The following SAP130 variants were observed in gnomAD, a reference collection of about 807,000 sequenced individuals.
The protein encoded by SAP130 is Sin3A associated protein 130, also known as histone deacetylase complex subunit SAP130.
A neutral mutation model predicts 103.2 loss-of-function variants in SAP130; 16 were observed. The observed-to-expected ratio is 0.16, with a 90% confidence interval of 0.10 to 0.24. The LOEUF is 0.24. SAP130 is among the 10% of genes least tolerant of loss of function. SAP130 has a pLI of 1.00. For missense variants in SAP130, 990 were observed against 1,359.7 expected (o/e 0.73, Z 4.28); for synonymous variants, 477 against 497.0 (o/e 0.96, Z 0.53).
intron 2 of SAP130, among the ~76,000 whole-genome samples, chr2:128,025,153 T>C (rs1004163053): frequency 2.6e-5 from 4 of 152,216 alleles, no homozygotes; most frequent in Admixed American, 2.6e-4. Flanking sequence ...ATTTACTTAA[T>C]ACATAGAGAA....
At chr2:127,976,228 T>G (rs987036066) in intron 15 of SAP130, among the ~76,000 whole-genome samples, 1 of 152,240 alleles carries the variant, frequency 6.6e-6, no homozygotes, top group African/African-American at 2.4e-5. Context: ...CTCTTTCCTC[T>G]GCCTGACACA....
Position 127,989,979 on chromosome 2 carries a change from T to C in SAP130, c.1478-113A>G. ...CTCCACTGTATAAGATCTAAATCCA[T>C]GGTTTGAAAAAAAATAAATAAATAA... On this transcript the variant is annotated intron_variant, in intron 12 of 20. Coordinates refer to ENST00000643581, the MANE Select transcript of SAP130 (RefSeq NM_001330301.2). The surrounding 1 kb of genome is among the most constrained non-coding windows in gnomAD (Gnocchi z 4.6). 1.1e-6 allele frequency: 1 copy of C among 937,832 alleles called. No homozygotes were observed. The allele number at this position is 937,832 out of a possible 1,614,324, so 58.1% of individuals were successfully genotyped here.
intron 17 of SAP130, 50 bp from the exon 18 acceptor site, chr2:127,950,044 C>T: frequency 6.2e-7 from 1 of 1,610,390 alleles, no homozygotes; most frequent in Non-Finnish European, 8.5e-7. Context: ...CAACAATCCT[C>T]AAAGTTCATT....
At chr2:128,014,065 T>G (rs930746220) in intron 5 of SAP130, among the ~76,000 whole-genome samples, 1 of 152,220 alleles carries the variant, frequency 6.6e-6, no homozygotes, top group Non-Finnish European at 1.5e-5. Flanking sequence ...ATGTTGAGAT[T>G]ATCAAAGCTT....
At chr2:128,009,998 A>C (rs947259908) in intron 7 of SAP130, among the ~76,000 whole-genome samples, 1 of 152,102 alleles carries the variant, frequency 6.6e-6, no homozygotes, top group African/African-American at 2.4e-5. Context: ...TGTCACTCCC[A>C]ATCCCTTTTA....
Position 127,950,319 on chromosome 2 carries a change from C to G in SAP130, c.2512G>C (p.Gly838Arg). Reference sequence around the variant, plus strand: ...CGAGGCTTTTTCCTTGGGGAGGCACCAGGTGGTAGGTCACTTGTAGGCATG... The same window carrying G: ...CGAGGCTTTTTCCTTGGGGAGGCACGAGGTGGTAGGTCACTTGTAGGCATG... ...LSMPTSDLPP[G>R]ASPRKKPRKQ... Residue 838 changes from glycine (G) to arginine (R), a missense_variant, in exon 17 of 21, where the codon GGT becomes CGT. Transcript: ENST00000643581. 6.2e-7 allele frequency: 1 copy of G among 1,614,168 alleles called. No individual in the cohort carries two copies. The highest frequency in any genetic ancestry group is 8.5e-7 in the Non-Finnish European group (1 of 1,180,034).
At chr2:128,027,155 AG>A in intron 1 of SAP130, 1 of 1,334,194 alleles carries the variant, frequency 7.5e-7, no homozygotes, top group South Asian at 2.1e-5. Context: ...GGTGCCGCGG[AG>A]GGCCCATCTC....
chr2:128,004,361 CTTTTTTTTTTTTTT>C (rs71935874), intron 7 of SAP130, among the ~76,000 whole-genome samples: 99 of 76,032 alleles, frequency 1.3e-3, no homozygotes, highest in Non-Finnish European at 2.2e-3. Context: ...GCTTTCTTTC[CTTTTTTTTTTTTTT>C]TTTTTTTTTT....
chr2:127,946,880 T>C (rs1213956896), intron 18 of SAP130, among the ~76,000 whole-genome samples: 1 of 149,366 alleles, frequency 6.7e-6, no homozygotes, highest in Admixed American at 6.8e-5. Context: ...CGAGACTCCG[T>C]CACAAGAAAA....
At chr2:127,983,363 A>C (rs1682097847) in intron 14 of SAP130, among the ~76,000 whole-genome samples, 1 of 152,200 alleles carries the variant, frequency 6.6e-6, no homozygotes, top group Non-Finnish European at 1.5e-5. Context: ...TGGCTATGTG[A>C]AACTACTTTT....
chr2:128,008,642 G>A (rs1684153732), intron 7 of SAP130, among the ~76,000 whole-genome samples: 1 of 149,852 alleles, frequency 6.7e-6, no homozygotes, highest in African/African-American at 2.5e-5. Flanking sequence ...AAGCACTGGG[G>A]TTACGGGCAC....
At chr2:128,017,442 T>C (rs371022496) in intron 3 of SAP130, among the ~76,000 whole-genome samples, 2 of 151,976 alleles carry the variant, frequency 1.3e-5, no homozygotes, top group Admixed American at 6.5e-5. Context: ...ATAAGTTGAA[T>C]AATATCAGTA....
At chr2:127,951,394 T>C (rs1679485201) in intron 16 of SAP130, among the ~76,000 whole-genome samples, 1 of 152,134 alleles carries the variant, frequency 6.6e-6, no homozygotes, top group Non-Finnish European at 1.5e-5. Context: ...TAAACTTTCC[T>C]GTCACCATTA....
chr2:127,954,701 C>T lies in SAP130; in HGVS notation c.2422+285G>A, dbSNP rs569149900. Among the ~76,000 whole-genome samples, 71 of 152,254 alleles carry T rather than the reference C, an allele frequency of 4.7e-4. No individual in the cohort carries two copies. The Middle Eastern group carries it at 0.01, about 22-fold the overall frequency. On this transcript the variant is annotated intron_variant, in intron 16 of 20. Coordinates refer to ENST00000643581, the MANE Select transcript of SAP130 (RefSeq NM_001330301.2). ...ATACTACTTTCTTAATACTACTAGGCATGGAAGGAAACTATGTTGAAGGAT... is the reference window on the plus strand; with the variant it reads ...ATACTACTTTCTTAATACTACTAGGTATGGAAGGAAACTATGTTGAAGGAT...
chr2:128,018,354 G>GC (rs1559104781), intron 2 of SAP130, among the ~76,000 whole-genome samples: 17 of 141,842 alleles, frequency 1.2e-4, no homozygotes, highest in African/African-American at 4.8e-4. Context: ...CAAAAACCAC[G>GC]TTTTTTTGTA....
chr2:128,010,302 G>A lies in SAP130; in HGVS notation c.836C>T (p.Thr279Met), dbSNP rs1029422515. Residue 279 changes from threonine to methionine, a missense_variant, in exon 7 of 21, where the codon ACG becomes ATG. Thr to Met is a moderately conservative substitution (Grantham distance 81). Around this residue, in one of 6 missense-constraint regions of SAP130, gnomAD observed 336 missense variants for 520.1 expected, o/e 0.65. Transcript: ENST00000643581. ...ATRAQSPVIT[T>M]TAAHATDSAL... ...TGAATCAGTAGCATGCGCCGCTGTC[G>A]TAGTGATGACTGGAGACTGAGCTCT... The A allele has an allele frequency of 6.2e-6, 10 of 1,613,900 alleles. No homozygotes were observed. The highest frequency in any genetic ancestry group is 5.0e-5 in the Admixed American group (3 of 60,006).
In SAP130 at chr2:127,948,328, G is replaced by GTTTTT. The variant is rs71307269; in HGVS notation, c.2797+1536_2797+1540dup. On this transcript the variant is annotated intron_variant, in intron 18 of 20. Transcript: ENST00000643581. ...TTTGTTTCTCTTTTCTTTCCTGTGA[G>GTTTTT]TTTTTTTTTTTTTTTTTTTTTTTGA... 3.6e-4 allele frequency among the ~76,000 whole-genome samples: 37 copies of GTTTTT among 101,544 alleles called. 1 individual carries two copies. Among genetic ancestry groups the GTTTTT allele is most frequent in the Middle Eastern group, 7.1e-3 (1 of 140 alleles). 66.6% of individuals were successfully genotyped at this position (101,544 alleles called of 152,430 possible).
chr2:127,967,575 T>C lies in SAP130; in HGVS notation c.2063+10410A>G, dbSNP rs375567442. Among the ~76,000 whole-genome samples, 51 of 152,332 alleles carry C rather than the reference T, an allele frequency of 3.3e-4. 1 individual carries two copies. In the South Asian group the frequency reaches 6.4e-3, roughly 19 times the overall value. ...CACCATGCGCAGCTAATTTTTGTATTTTTAGTAGAGACGGGTTTCACCATC... is the reference window on the plus strand; with the variant it reads ...CACCATGCGCAGCTAATTTTTGTATCTTTAGTAGAGACGGGTTTCACCATC... On this transcript the variant is annotated intron_variant, in intron 15 of 20. Transcript: ENST00000643581.
chr2:127,956,655 A>C (rs183789210), intron 15 of SAP130, among the ~76,000 whole-genome samples: 1 of 148,394 alleles, frequency 6.7e-6, no homozygotes, highest in East Asian at 2.0e-4. Context: ...AGACATATGT[A>C]ACAAACCTGC....
Sources: allele counts gnomAD v4.1 joint callset (sites outside exome capture counted in the v4.1 genomes callset), GRCh38; gene constraint gnomAD v4.1.1; regional missense constraint gnomAD v4.1.1; non-coding constraint Gnocchi (gnomAD v3.1); transcripts MANE v1.5; gene names NCBI Gene and HGNC (gene_info 2026-07-23, HGNC 2026-07-21).